Variants in RBM10 observed in about 807,000 individuals in gnomAD.
The protein encoded by RBM10 is RNA-binding protein 10.
RBM10 carries 1 observed loss-of-function variant against 84.9 expected under a neutral mutation model. That is an observed-to-expected ratio of 0.01 (90% CI 0.00 to 0.06). The LOEUF is 0.06. Among genes scored for constraint, RBM10 ranks in the 10% least tolerant of loss-of-function variants. RBM10 has a pLI of 1.00. For synonymous variants in RBM10, 326 were observed against 344.5 expected (o/e 0.95, Z 0.60); for missense variants, 438 against 839.0 (o/e 0.52, Z 5.90).
At chrX:47,147,150 G>A (rs1400741574) in intron 1 of RBM10, among the ~76,000 whole-genome samples, 1 of 111,917 alleles carries the variant, frequency 8.9e-6, no homozygotes, top group Non-Finnish European at 1.9e-5. Flanking sequence ...TTCTAGGGCA[G>A]TGGGCTCTAG....
rs2147215059 is a variant in RBM10 at position 47,185,428 on chromosome X, C to G, written c.2167-14C>G. 2.6e-6 allele frequency: 3 copies of G among 1,175,179 alleles called. No individual in the cohort carries two copies. Among genetic ancestry groups the G allele is most frequent in the Non-Finnish European group, 3.4e-6 (3 of 876,849 alleles). ...ATCTGGCCAGGCCTGACCGCCCACC[C>G]TCACCCTCTACAGAGCCCTCCGCGA... On this transcript the variant is annotated splice_polypyrimidine_tract_variant and intron_variant, in intron 19 of 23. Transcript: ENST00000377604.
intron 7 of RBM10, among the ~76,000 whole-genome samples, chrX:47,177,093 A>T (rs1556776604): frequency 1.8e-5 from 2 of 111,748 alleles, no homozygotes; most frequent in Non-Finnish European, 3.8e-5. Flanking sequence ...GGTTGGGAGG[A>T]TTCAGCTGTG....
At chrX:47,166,998 A>G (rs1934279710) in intron 2 of RBM10, among the ~76,000 whole-genome samples, 1 of 108,275 alleles carries the variant, frequency 9.2e-6, no homozygotes, top group Admixed American at 9.9e-5. Flanking sequence ...GATGGTCTCT[A>G]TCTCTGGACC....
intron 6 of RBM10, among the ~76,000 whole-genome samples, chrX:47,175,618 C>T (rs1935075301): frequency 9.0e-6 from 1 of 111,646 alleles, no homozygotes; most frequent in Non-Finnish European, 1.9e-5. Flanking sequence ...CTGTTGATCT[C>T]AAGTTCCCGT....
At chrX:47,161,429 A>G (rs1251577306) in intron 2 of RBM10, among the ~76,000 whole-genome samples, 2 of 104,741 alleles carry the variant, frequency 1.9e-5, no homozygotes, top group African/African-American at 7.1e-5. Context: ...ATTCTATTCT[A>G]TTTCACTGAT....
chrX:47,145,523 G>C, intron 1 of RBM10, 38 bp downstream of exon 1: 2 of 1,147,554 alleles, frequency 1.7e-6, no homozygotes, highest in East Asian at 6.5e-5. Flanking sequence ...GGAGGTAAGG[G>C]GCCCGGGGCG....
In RBM10 at chrX:47,182,333, A is replaced by C. The variant is rs1556780321; in HGVS notation, c.1950+7A>C. 2 of 1,199,359 alleles carry C rather than the reference A, an allele frequency of 1.7e-6. No homozygotes were observed. The highest frequency in any genetic ancestry group is 2.3e-6 in the Non-Finnish European group (2 of 888,720). On this transcript the variant is annotated splice_region_variant and intron_variant, in intron 17 of 23. Transcript: ENST00000377604. ...GACCAAGACAGCTCAACAGGTGAAC[A>C]CCAGGGTCCAGCAGTCACTGGCTGG...
In RBM10 at chrX:47,147,263, A is replaced by C. The variant is rs1487676234; in HGVS notation, c.-125-94A>C. 3.3e-6 allele frequency: 3 copies of C among 900,001 alleles called. No homozygotes were observed. In the African/African-American group the frequency reaches 6.0e-5, roughly 18 times the overall value. The allele number at this position is 900,001 out of a possible 1,213,427, so 74.2% of individuals were successfully genotyped here. A position where few individuals can be genotyped will look rare whatever the true frequency, so the allele number is the denominator to read the frequency against. Reference sequence around the variant, plus strand: ...GCTGGAAGACAATGTCCCTGGGCTAAGGGGCAGCGGAGAGCCTTGACAATA... The same window carrying C: ...GCTGGAAGACAATGTCCCTGGGCTACGGGGCAGCGGAGAGCCTTGACAATA... On this transcript the variant is annotated intron_variant, in intron 1 of 23. Coordinates refer to ENST00000377604, the MANE Select transcript of RBM10 (RefSeq NM_005676.5).
intron 7 of RBM10, among the ~76,000 whole-genome samples, chrX:47,178,781 A>C (rs782521036): frequency 2.7e-5 from 3 of 112,372 alleles, no homozygotes; most frequent in Non-Finnish European, 5.6e-5. Flanking sequence ...AAAGGGATTG[A>C]ATACCTGAGG....
Position 47,145,448 on chromosome X carries a change from T to C in RBM10, c.-163T>C. 1 of 1,153,471 alleles carries C rather than the reference T, an allele frequency of 8.7e-7. No homozygotes were observed. Among genetic ancestry groups the C allele is most frequent in the Non-Finnish European group, 1.1e-6 (1 of 872,036 alleles). ...AGGAGGTGGCGGCGGGCAGAGGTGA[T>C]GTCTGGGAGCCCTTCCTTGACAGCC... On this transcript the variant is annotated 5_prime_UTR_variant, in exon 1 of 24. An upstream start codon of the reference 5' UTR is lost. Coordinates refer to ENST00000377604, the MANE Select transcript of RBM10 (RefSeq NM_005676.5).
rs368904095 is a variant in RBM10 at position 47,171,054 on chromosome X, C to G, written c.228C>G (p.Ser76=). 9.0e-5 allele frequency: 109 copies of G among 1,209,202 alleles called. No individual in the cohort carries two copies. The highest frequency in any genetic ancestry group is 1.1e-4 in the Non-Finnish European group (95 of 894,806). Residue 76 remains serine, a synonymous_variant, in exon 4 of 24, where the codon TCC becomes TCG. Transcript: ENST00000377604. ...AEDSYEASPG[S]ETQRRRRRRH... ...ATTCCTACGAGGCCTCCCCGGGCTC[C>G]GAGACTCAGCGTAGGCGGCGGCGGC...
Position 47,181,199 on chromosome X carries a change from C to T in RBM10, c.1249-16C>T, listed in dbSNP as rs2147183399. On this transcript the variant is annotated splice_polypyrimidine_tract_variant and intron_variant, in intron 12 of 23. Coordinates refer to ENST00000377604, the MANE Select transcript of RBM10 (RefSeq NM_005676.5). ...CACCTTCCTGTTCTAATGAACCCCT[C>T]CCACCTGCCCTTCAGGCCTCCCAAG... The T allele has an allele frequency of 1.1e-6, 1 of 945,546 alleles. No homozygotes were observed. Among genetic ancestry groups the T allele is most frequent in the Admixed American group, 3.3e-5 (1 of 30,034 alleles). 77.9% of individuals were successfully genotyped at this position (945,546 alleles called of 1,213,427 possible).
chrX:47,165,582 GCTGAGGCAGGCGGATCAC>G (rs1329213627), intron 2 of RBM10, among the ~76,000 whole-genome samples: 3 of 110,039 alleles, frequency 2.7e-5, no homozygotes, highest in Non-Finnish European at 5.7e-5. Context: ...ACTTTGGGAG[GCTGAGGCAGGCGGATCAC>G]CTGAAGTCAG....
chrX:47,175,736 C>T (rs1278314902), intron 6 of RBM10, among the ~76,000 whole-genome samples: 1 of 111,263 alleles, frequency 9.0e-6, no homozygotes, highest in Non-Finnish European at 1.9e-5. Flanking sequence ...TCTGTCTTCT[C>T]GGCAAGGACC....
intron 2 of RBM10, chrX:47,156,938 G>C (rs1260972100): frequency 4.4e-6 from 1 of 224,830 alleles, no homozygotes; most frequent in African/African-American, 3.0e-5. Flanking sequence ...TGGTGGCGAT[G>C]TGGTTCCAGA....
At position 47,186,626 on chromosome X, in the gene RBM10, T is replaced by C. The variant is rs1303996049; in HGVS notation, c.*27T>C. ...CAGCTTCAAGAGCAACTTCTCCACA[T>C]GTTGGGTGTCCATCCTGGGGCAGGG... is the stretch of plus-strand genomic sequence containing the variant. On this transcript the variant is annotated 3_prime_UTR_variant, in exon 24 of 24. Transcript: ENST00000377604. 1.7e-6 allele frequency: 2 copies of C among 1,209,880 alleles called. No individual in the cohort carries two copies. Among genetic ancestry groups the C allele is most frequent in the South Asian group, 1.8e-5 (1 of 56,842 alleles).
At position 47,147,444 on chromosome X, in the gene RBM10, G is replaced by C. The variant is rs782473280; in HGVS notation, c.-38G>C. ...GAAGTGAAACGGAGCCAGCGGCTGA[G>C]GAGGGGCCCCAGCAGCCCCCGAAGG... On this transcript the variant is annotated 5_prime_UTR_variant, in exon 2 of 24. Coordinates refer to ENST00000377604, the MANE Select transcript of RBM10 (RefSeq NM_005676.5). 1 of 1,211,342 alleles carries C rather than the reference G, an allele frequency of 8.3e-7. No individual in the cohort carries two copies. The highest frequency in any genetic ancestry group is 1.1e-6 in the Non-Finnish European group (1 of 895,017).
Position 47,179,340 on chromosome X carries a change from T to C in RBM10, c.746T>C (p.Leu249Pro), listed in dbSNP as rs2147167527. ...ACAGAGGCAGAGCAGAAGCTGCCCC[T>C]CGGCACGAGGCTGGATCAGCAGACA... ...PKSEAEQKLP[L>P]GTRLDQQTLP... is the part of the protein sequence containing the mutation. Residue 249 changes from leucine to proline, a missense_variant, in exon 9 of 24, where the codon CTC becomes CCC. Coordinates refer to ENST00000377604, the MANE Select transcript of RBM10 (RefSeq NM_005676.5). 8.3e-7 allele frequency: 1 copy of C among 1,199,147 alleles called. No individual in the cohort carries two copies. Among genetic ancestry groups the C allele is most frequent in the Non-Finnish European group, 1.1e-6 (1 of 890,514 alleles).
At chrX:47,161,144 C>T (rs1933650013) in intron 2 of RBM10, among the ~76,000 whole-genome samples, 1 of 110,024 alleles carries the variant, frequency 9.1e-6, no homozygotes, top group African/African-American at 3.3e-5. Context: ...CGAGGTCTGA[C>T]TACTGTGTTA....
Sources: gnomAD v4.1 joint callset for allele counts (sites outside exome capture counted in the v4.1 genomes callset) on GRCh38, gnomAD v4.1.1 for gene constraint, MANE v1.5 for transcripts, NCBI Gene and HGNC (gene_info 2026-07-23, HGNC 2026-07-21) for gene names.